KLRB1: variants seen among roughly 807,000 people sequenced by gnomAD.
KLRB1 encodes the protein killer cell lectin like receptor B1.
A neutral mutation model predicts 33.5 loss-of-function variants in KLRB1; 27 were observed. The observed-to-expected ratio is 0.81, with a 90% CI of 0.59 to 1.11. The LOEUF is 1.11. Ranked by LOEUF, KLRB1 falls within the 50% of genes most tolerant of loss-of-function variation. The pLI, the probability that KLRB1 is intolerant of heterozygous loss-of-function variation, is 0.00. For synonymous variants in KLRB1, 64 were observed against 88.9 expected, an observed-to-expected ratio of 0.72 and a Z score of 1.58; for missense variants, 241 against 254.1, an observed-to-expected ratio of 0.95 and a Z score of 0.35.
intron 1 of KLRB1, 124 bp from the exon 2 acceptor site, chr12:9,601,723 A>T: frequency 1.5e-6 from 1 of 645,722 alleles, no homozygotes; most frequent in Non-Finnish European, 2.8e-6. Flanking sequence ...AATTAGATTC[A>T]GCTTGGGGGA....
At chr12:9,603,425 C>T (rs1008994736) in intron 1 of KLRB1, among the ~76,000 whole-genome samples, 2 of 150,378 alleles carry the variant, frequency 1.3e-5, no homozygotes, top group Non-Finnish European at 3.0e-5. Context: ...TAACTTAATT[C>T]TATTTATTTA....
chr12:9,600,497 C>A (rs747778668), intron 2 of KLRB1, among the ~76,000 whole-genome samples: 1 of 152,266 alleles, frequency 6.6e-6, no homozygotes, highest in Non-Finnish European at 1.5e-5. Flanking sequence ...CAGATTGTTA[C>A]TGTGTCTGTG....
rs1451913853 is a variant in KLRB1, at chr12:9,598,555, C to T, written c.358G>A (p.Ala120Thr). The T allele has an allele frequency of 4.3e-6, 7 of 1,613,140 alleles. No individual in the cohort carries two copies. Among genetic ancestry groups the T allele is most frequent in the Non-Finnish European group, 5.1e-6 (6 of 1,179,328 alleles). The part of the protein sequence containing the change: ...HTVNPWNNSL[A>T]DCSTKESSLL... ...CTGGATTCTTTGGTGGAACAATCAGCTAGACTGTTATTCCAAGGGTTGACA... is the reference window on the plus strand; with the variant it reads ...CTGGATTCTTTGGTGGAACAATCAGTTAGACTGTTATTCCAAGGGTTGACA... Residue 120 changes from alanine (A) to threonine (T), a missense_variant, in exon 4 of 6, where the codon GCT becomes ACT. By Grantham distance (58) the Ala-to-Thr change is moderately conservative. Coordinates refer to ENST00000229402, the MANE Select transcript of KLRB1 (RefSeq NM_002258.3).
intron 2 of KLRB1, among the ~76,000 whole-genome samples, chr12:9,600,949 G>A (rs1415807758): frequency 6.6e-6 from 1 of 151,304 alleles, no homozygotes; most frequent in Non-Finnish European, 1.5e-5. Flanking sequence ...TGAGACAAGA[G>A]GAAGGCATCT....
At position 9,606,708 on chromosome 12, in the gene KLRB1, A is replaced by T. The variant is rs12146875; in HGVS notation, c.85+1047T>A. ...TATAAAAAGTATATATATATATATA[A>T]AATATATAAAATATATGTATAAAAA... On this transcript the variant is annotated intron_variant, in intron 1 of 5. Transcript: ENST00000229402. Among the ~76,000 whole-genome samples the T allele has an allele frequency of 4.2e-4, 15 of 35,620 alleles. 1 individual carries two copies. The highest frequency in any genetic ancestry group is 9.6e-4 in the South Asian group (1 of 1,042). 23.4% of individuals were successfully genotyped at this position (35,620 alleles called of 152,430 possible).
At chr12:9,607,330 TC>T (rs1864620683) in intron 1 of KLRB1, among the ~76,000 whole-genome samples, 3 of 58,392 alleles carry the variant, frequency 5.1e-5, no homozygotes, top group African/African-American at 1.3e-4. Flanking sequence ...TCTTTCTCTT[TC>T]TTTCCTTTCT....
chr12:9,595,207 TA>T lies in KLRB1; in HGVS notation c.*66del. ...ATGTGGCACTATTAGGTAGTACCAA[TA>T]GTATGTGCAGCTACAAGTACAGAGA... On this transcript the variant is annotated 3_prime_UTR_variant, in exon 6 of 6. Coordinates refer to ENST00000229402, the MANE Select transcript of KLRB1 (RefSeq NM_002258.3). 7.2e-7 allele frequency: 1 copy of T among 1,395,576 alleles called. No homozygotes were observed. Among genetic ancestry groups the T allele is most frequent in the Non-Finnish European group, 1.0e-6 (1 of 989,644 alleles). The allele number at this position is 1,395,576 out of a possible 1,614,324, so 86.4% of individuals were successfully genotyped here. A position where few individuals can be genotyped will look rare whatever the true frequency, so the allele number is the denominator to read the frequency against.
chr12:9,596,491 A>G (rs11834004), intron 5 of KLRB1, among the ~76,000 whole-genome samples: 10,296 of 152,166 alleles, frequency 0.068, 547 homozygotes, highest in African/African-American at 0.15. Flanking sequence ...GTAGCCCCCA[A>G]AATAATCCTG....
intron 1 of KLRB1, among the ~76,000 whole-genome samples, chr12:9,604,858 C>CT (rs1864582590): frequency 6.6e-6 from 1 of 151,740 alleles, no homozygotes; most frequent in African/African-American, 2.4e-5. Context: ...TTTTATTATA[C>CT]TTTAAGTTCT....
At chr12:9,595,854 C>T (rs117770132) in intron 5 of KLRB1, among the ~76,000 whole-genome samples, 1 of 152,008 alleles carries the variant, frequency 6.6e-6, no homozygotes, top group Non-Finnish European at 1.5e-5. Context: ...AAAATATGTG[C>T]TGAGTAAATA....
At chr12:9,603,976 G>A (rs764066363) in intron 1 of KLRB1, among the ~76,000 whole-genome samples, 7 of 151,868 alleles carry the variant, frequency 4.6e-5, no homozygotes, top group African/African-American at 1.7e-4. Context: ...TCTGGCACAT[G>A]GTAACTGTTC....
rs1233802900 is a variant in KLRB1 at position 9,601,507 on chromosome 12, C to T, written c.178G>A (p.Val60Ile). ...LLVLVVTGLS[V>I]SVTSLIQKSS... ...ATGATGGTGCCCCACTTACCTGAAA[C>T]ACTCAACCCAGTAACAACCAAGACA... Residue 60 changes from valine to isoleucine, a missense_variant, in exon 2 of 6, where the codon GTT (valine) becomes ATT (isoleucine). Coordinates refer to ENST00000229402, the MANE Select transcript of KLRB1 (RefSeq NM_002258.3). 6.2e-7 allele frequency: 1 copy of T among 1,610,292 alleles called. No homozygotes were observed. Among genetic ancestry groups the T allele is most frequent in the Admixed American group, 1.7e-5 (1 of 59,994 alleles).
intron 3 of KLRB1, 101 bp downstream of exon 3, chr12:9,599,666 A>G (rs1864521279): frequency 1.2e-6 from 1 of 810,340 alleles, no homozygotes; most frequent in African/African-American, 1.7e-5. Flanking sequence ...AATGATAAGA[A>G]TATCTTAACA....
At chr12:9,607,339 T>TTCCTTCCTTC (rs1330109407) in intron 1 of KLRB1, among the ~76,000 whole-genome samples, 149 of 60,786 alleles carry the variant, frequency 2.5e-3, no homozygotes, top group East Asian at 8.6e-3. Context: ...TTCTTTCCTT[T>TTCCTTCCTTC]CTTTCTTTCT....
chr12:9,602,188 T>C (rs1864553479), intron 1 of KLRB1, among the ~76,000 whole-genome samples: 1 of 152,212 alleles, frequency 6.6e-6, no homozygotes, highest in Non-Finnish European at 1.5e-5. Flanking sequence ...CATACCTTTT[T>C]CAATATTATC....
rs1864541167 is a variant in KLRB1, at chr12:9,601,488, G to T, written c.184+13C>A. ...AGTAAGTATTATGAAACAGATGATG[G>T]TGCCCCACTTACCTGAAACACTCAA... On this transcript the variant is annotated intron_variant, in intron 2 of 5. Transcript: ENST00000229402. The T allele has an allele frequency of 6.4e-7, 1 of 1,564,664 alleles. No homozygotes were observed. Among genetic ancestry groups the T allele is most frequent in the Admixed American group, 1.7e-5 (1 of 59,892 alleles).
intron 1 of KLRB1, among the ~76,000 whole-genome samples, chr12:9,602,035 C>G (rs1283523572): frequency 6.6e-6 from 1 of 152,084 alleles, no homozygotes; most frequent in Non-Finnish European, 1.5e-5. Flanking sequence ...TGCCAAGTAC[C>G]ATGTTAGGTG....
chr12:9,606,039 T>C (rs1049997759), intron 1 of KLRB1, among the ~76,000 whole-genome samples: 1 of 152,122 alleles, frequency 6.6e-6, no homozygotes, highest in African/African-American at 2.4e-5. Context: ...CTCAACCAAA[T>C]CCTCCCTATA....
chr12:9,607,338 T>TTC (rs1864622902), intron 1 of KLRB1, among the ~76,000 whole-genome samples: 1 of 49,810 alleles, frequency 2.0e-5, no homozygotes, highest in African/African-American at 5.7e-5. Flanking sequence ...TTTCTTTCCT[T>TTC]TCTTTCTTTC....
Sources: allele counts gnomAD v4.1 joint callset (sites outside exome capture counted in the v4.1 genomes callset), GRCh38; gene constraint gnomAD v4.1.1; transcripts MANE v1.5; gene names NCBI Gene and HGNC (gene_info 2026-07-23, HGNC 2026-07-21).